The following PRORP variants were observed in gnomAD, a reference collection of about 807,000 sequenced individuals.
PRORP encodes the protein protein only RNase P catalytic subunit, also known as mitochondrial ribonuclease P catalytic subunit.
Under a neutral mutation model 59.4 loss-of-function variants are expected in PRORP, and 51 were observed. The ratio of observed to expected loss-of-function variants is 0.86; its 90% confidence interval spans 0.69 to 1.08. The LOEUF (loss-of-function observed/expected upper bound fraction) is 1.08, where lower values mean the gene tolerates loss of function less well. Among genes scored for constraint, PRORP ranks in the 50% least tolerant of loss-of-function variants. The pLI, the probability that PRORP is intolerant of heterozygous loss-of-function variation, is 0.00. For missense variants in PRORP, 646 were observed against 690.3 expected (o/e 0.94, Z 0.72); for synonymous variants, 231 against 245.6 (o/e 0.94, Z 0.55).
chr14:35,176,853 A>G (rs2048464334), intron 4 of PRORP, among the ~76,000 whole-genome samples: 2 of 151,902 alleles, frequency 1.3e-5, no homozygotes, highest in African/African-American at 4.8e-5. Context: ...GTTTTTGCCC[A>G]TTCAGTATGA....
intron 5 of PRORP, among the ~76,000 whole-genome samples, chr14:35,231,877 A>G (rs1034310985): frequency 6.6e-6 from 1 of 152,226 alleles, no homozygotes; most frequent in Non-Finnish European, 1.5e-5. Context: ...AAACAGAATG[A>G]AAGTCACATA....
chr14:35,267,802 G>A (rs1258750332), intron 6 of PRORP, among the ~76,000 whole-genome samples: 1 of 151,878 alleles, frequency 6.6e-6, no homozygotes, highest in East Asian at 1.9e-4. Context: ...GAGCCCAAAG[G>A]AGCCCTGAGG....
intron 4 of PRORP, among the ~76,000 whole-genome samples, chr14:35,161,520 T>A (rs556867259): frequency 8.5e-6 from 1 of 117,042 alleles, no homozygotes; most frequent in South Asian, 2.9e-4. Flanking sequence ...GAATTTTTTC[T>A]TTTTTTAAAG....
At chr14:35,181,565 A>C (rs1327906139) in intron 5 of PRORP, among the ~76,000 whole-genome samples, 8 of 152,076 alleles carry the variant, frequency 5.3e-5, no homozygotes, top group African/African-American at 1.9e-4. Context: ...TGGGTGGATC[A>C]TCAGAGGTCA....
At chr14:35,166,360 T>C (rs10148772) in intron 4 of PRORP, among the ~76,000 whole-genome samples, 138 of 152,236 alleles carry the variant, frequency 9.1e-4, no homozygotes, top group African/African-American at 3.2e-3. Flanking sequence ...TCTTCATAGA[T>C]GCAACCGAAT....
intron 5 of PRORP, among the ~76,000 whole-genome samples, chr14:35,221,980 T>A (rs1449270562): frequency 6.6e-6 from 1 of 152,174 alleles, no homozygotes; most frequent in African/African-American, 2.4e-5. Flanking sequence ...ACTTCACTTG[T>A]CTTGTACTTC....
chr14:35,123,159 C>T lies in PRORP; in HGVS notation c.-87C>T, dbSNP rs1446151737. ...AAAAAGTTCCACTTCGACTCTGCAC[C>T]GCCGACCCCCAATCTCTTTAATTTT... On this transcript the variant is annotated 5_prime_UTR_variant, in exon 2 of 8. Transcript: ENST00000534898. The T allele has an allele frequency of 7.3e-7, 1 of 1,377,868 alleles. No homozygotes were observed. Among genetic ancestry groups the T allele is most frequent in the Non-Finnish European group, 9.8e-7 (1 of 1,016,086 alleles). The allele number at this position is 1,377,868 out of a possible 1,614,324, so 85.4% of individuals were successfully genotyped here.
chr14:35,200,130 C>T (rs1401435579), intron 5 of PRORP, among the ~76,000 whole-genome samples: 1 of 152,076 alleles, frequency 6.6e-6, no homozygotes, highest in Non-Finnish European at 1.5e-5. Flanking sequence ...AGGTGAAAAT[C>T]CCAAAAGCCA....
chr14:35,182,414 G>T (rs982192208), intron 5 of PRORP, among the ~76,000 whole-genome samples: 1 of 152,166 alleles, frequency 6.6e-6, no homozygotes, highest in African/African-American at 2.4e-5. Flanking sequence ...GGAGGCCAAG[G>T]CGGGTGGATC....
At chr14:35,235,365 A>G in intron 5 of PRORP, 1 of 703,742 alleles carries the variant, frequency 1.4e-6, no homozygotes, top group East Asian at 2.8e-5. Context: ...ACCTGTGTAA[A>G]GTTGACAGTG....
At chr14:35,269,499 ATGT>A (rs2051131664) in intron 6 of PRORP, among the ~76,000 whole-genome samples, 1 of 152,218 alleles carries the variant, frequency 6.6e-6, no homozygotes, top group African/African-American at 2.4e-5. Context: ...TTTTCCACTA[ATGT>A]GCCAAAGAAG....
chr14:35,160,159 C>T (rs1163602485), intron 4 of PRORP, among the ~76,000 whole-genome samples: 1 of 152,162 alleles, frequency 6.6e-6, no homozygotes, highest in Non-Finnish European at 1.5e-5. Flanking sequence ...GAGGGAAAAC[C>T]ACTGATGAGA....
chr14:35,164,779 A>C (rs999374346), intron 4 of PRORP, among the ~76,000 whole-genome samples: 55 of 152,204 alleles, frequency 3.6e-4, no homozygotes, highest in African/African-American at 1.3e-3. Context: ...AAAATAAGGA[A>C]AAAAGAAAAA....
At position 35,123,340 on chromosome 14, in the gene PRORP, T is replaced by G; in HGVS notation, c.95T>G (p.Phe32Cys). The G allele has an allele frequency of 6.2e-7, 1 of 1,614,090 alleles. No homozygotes were observed. Among genetic ancestry groups the G allele is most frequent in the Non-Finnish European group, 8.5e-7 (1 of 1,180,044 alleles). The change falls in exon 2 of 8, where the codon TTT (phenylalanine) becomes TGT (cysteine). Residue 32 changes from phenylalanine (F) to cysteine (C), a missense_variant. Coordinates refer to ENST00000534898, the MANE Select transcript of PRORP (RefSeq NM_014672.4). ...LGPGHSYVSL[F>C]LADRCGIRNQ... The stretch of plus-strand genomic sequence containing the variant: ...CCAGGGCACTCTTATGTCTCGCTGT[T>G]TCTGGCAGACCGCTGTGGCATCAGG...
intron 4 of PRORP, among the ~76,000 whole-genome samples, chr14:35,168,341 C>T (rs1012233853): frequency 7.9e-5 from 12 of 152,016 alleles, no homozygotes; most frequent in South Asian, 2.1e-4. Context: ...TTTAAATTTG[C>T]GTTTTCCTAA....
chr14:35,262,564 A>G (rs1594354709), intron 5 of PRORP: 1 of 694,776 alleles, frequency 1.4e-6, no homozygotes, highest in East Asian at 2.7e-5. Flanking sequence ...AACCCTGCAG[A>G]GGGATTTCAA....
At chr14:35,242,059 A>G (rs1251382079) in intron 5 of PRORP, among the ~76,000 whole-genome samples, 1 of 152,160 alleles carries the variant, frequency 6.6e-6, no homozygotes, top group East Asian at 1.9e-4. Flanking sequence ...AAAGGTACAC[A>G]CATTTGGTAA....
chr14:35,147,457 C>T (rs2047639881), intron 4 of PRORP, among the ~76,000 whole-genome samples: 1 of 152,228 alleles, frequency 6.6e-6, no homozygotes, highest in South Asian at 2.1e-4. Flanking sequence ...ATCCTCCCAC[C>T]TCAGCCTCCT....
chr14:35,259,876 C>T (rs1371307782), intron 5 of PRORP, among the ~76,000 whole-genome samples: 1 of 151,942 alleles, frequency 6.6e-6, no homozygotes, highest in Non-Finnish European at 1.5e-5. Flanking sequence ...GCCTGGCGGA[C>T]AGCGAGATTC....
Sources: allele counts gnomAD v4.1 joint callset (sites outside exome capture counted in the v4.1 genomes callset), GRCh38; gene constraint gnomAD v4.1.1; transcripts MANE v1.5; gene names NCBI Gene and HGNC (gene_info 2026-07-23, HGNC 2026-07-21).